Variants in PDS5A observed in about 807,000 individuals in gnomAD.
PDS5A encodes sister chromatid cohesion protein PDS5 homolog A.
Under a neutral mutation model 167.1 loss-of-function variants are expected in PDS5A, and 42 were observed. The ratio of observed to expected loss-of-function variants is 0.25; its 90% CI spans 0.20 to 0.33. The LOEUF (loss-of-function observed/expected upper bound fraction) is 0.33. PDS5A is among the 10% of genes least tolerant of loss of function. PDS5A has a pLI of 1.00. For missense variants in PDS5A, 1,033 were observed against 1,605.9 expected (o/e 0.64, Z 6.10); for synonymous variants, 553 against 554.6 (o/e 1.00, Z 0.04).
intron 2 of PDS5A, chr4:39,933,710 T>C (rs563622755): frequency 1.3e-5 from 2 of 152,372 alleles, no homozygotes; most frequent in African/African-American, 4.8e-5. Context: ...GATTTTGCTT[T>C]ACCACACAGG....
At chr4:39,933,740 T>G (rs1216689923) in intron 2 of PDS5A, among the ~76,000 whole-genome samples, 3 of 152,260 alleles carry the variant, frequency 2.0e-5, no homozygotes, top group Non-Finnish European at 1.5e-5. Context: ...GAAATTCCAT[T>G]CATTCTTCCC....
Position 39,977,187 on chromosome 4 carries a change from G to GA in PDS5A, c.-41+269dup, listed in dbSNP as rs1439388705. Among the ~76,000 whole-genome samples the GA allele has an allele frequency of 6.6e-6, 1 of 151,970 alleles. No homozygotes were observed. The highest frequency in any genetic ancestry group is 2.4e-5 in the African/African-American group (1 of 41,394). Reference sequence around the variant, plus strand: ...CCGCTCCCTCACCCCCGCGGGAGGGGAAAACAAGCCGCCCTCCACCCTCAG... The same window carrying GA: ...CCGCTCCCTCACCCCCGCGGGAGGGGAAAAACAAGCCGCCCTCCACCCTCAG... On this transcript the variant is annotated intron_variant, in intron 1 of 32. Coordinates refer to ENST00000303538, the MANE Select transcript of PDS5A (RefSeq NM_001100399.2). The surrounding 1 kb of genome is among the most constrained non-coding windows in gnomAD (Gnocchi z 4.2).
At chr4:39,843,695 C>G (rs1401566336) in intron 30 of PDS5A, among the ~76,000 whole-genome samples, 4 of 152,096 alleles carry the variant, frequency 2.6e-5, no homozygotes, top group African/African-American at 7.2e-5. Context: ...CGGACAGAGA[C>G]ACTCTGTCTC....
At chr4:39,878,317 C>T (rs541906310) in intron 18 of PDS5A, among the ~76,000 whole-genome samples, 3 of 152,140 alleles carry the variant, frequency 2.0e-5, no homozygotes, top group South Asian at 2.1e-4. Flanking sequence ...ATCTACTGGC[C>T]GGGCGCGGTG....
intron 15 of PDS5A, 104 bp downstream of exon 15, chr4:39,898,673 G>A: frequency 1.1e-6 from 1 of 942,522 alleles, no homozygotes; most frequent in Non-Finnish European, 1.6e-6. Context: ...TTAAGATAAA[G>A]ATTATTTTCT....
At chr4:39,867,145 G>C in intron 22 of PDS5A, 148 bp from the exon 23 acceptor site, 1 of 593,576 alleles carries the variant, frequency 1.7e-6, no homozygotes, top group Non-Finnish European at 2.8e-6. Flanking sequence ...GCAACAATAC[G>C]AACTAATATT....
chr4:39,945,082 G>C (rs897750647), intron 2 of PDS5A, among the ~76,000 whole-genome samples: 14 of 152,030 alleles, frequency 9.2e-5, no homozygotes, highest in Non-Finnish European at 1.5e-4. Flanking sequence ...GTAATACAAT[G>C]ATATCTATGA....
chr4:39,823,726 G>A lies in PDS5A; in HGVS notation c.*1759C>T, dbSNP rs1715042287. ...CTGAAGAGGCAATAAGGAAGAGTGG[G>A]GATTTTTCTGCCCCTGTAAAGGTAT... On this transcript the variant is annotated 3_prime_UTR_variant, in exon 33 of 33. Transcript: ENST00000303538. 6.6e-6 allele frequency: 1 copy of A among 152,438 alleles called. No individual in the cohort carries two copies. Among genetic ancestry groups the A allele is most frequent in the Non-Finnish European group, 1.5e-5 (1 of 68,002 alleles). The allele number at this position is 152,438 out of a possible 1,614,324, so 9.4% of individuals were successfully genotyped here. A position where few individuals can be genotyped will look rare whatever the true frequency, so the allele number is the denominator to read the frequency against.
chr4:39,918,447 A>G (rs944636108), intron 7 of PDS5A, among the ~76,000 whole-genome samples: 2 of 152,172 alleles, frequency 1.3e-5, no homozygotes, highest in African/African-American at 2.4e-5. Context: ...ACCGTCACAC[A>G]TGCAGAAGAA....
chr4:39,830,093 C>T (rs1247696228), intron 32 of PDS5A, among the ~76,000 whole-genome samples: 1 of 151,574 alleles, frequency 6.6e-6, no homozygotes, highest in African/African-American at 2.4e-5. Flanking sequence ...GTGACCTGAG[C>T]AAGGTCCGTT....
chr4:39,959,783 C>T (rs1255009807), intron 2 of PDS5A, among the ~76,000 whole-genome samples: 1 of 151,734 alleles, frequency 6.6e-6, no homozygotes, highest in Admixed American at 6.6e-5. Context: ...GGTGAAAGCC[C>T]GTCTATAGTG....
In PDS5A at chr4:39,867,002, AAAATATT is replaced by A; in HGVS notation, c.2506-12_2506-6del. 1 of 1,589,324 alleles carries A rather than the reference AAAATATT, an allele frequency of 6.3e-7. No homozygotes were observed. The highest frequency in any genetic ancestry group is 8.5e-7 in the Non-Finnish European group (1 of 1,170,384). On this transcript the variant is annotated splice_polypyrimidine_tract_variant and splice_region_variant and intron_variant, in intron 22 of 32. Transcript: ENST00000303538. ...CAGAAGTTTAATTGCCTGTACCTATAAAATATTAACATGCTAAAAAAAGAAAGCAACT... is the reference window on the plus strand; with the variant it reads ...CAGAAGTTTAATTGCCTGTACCTATAAACATGCTAAAAAAAGAAAGCAACT...
chr4:39,892,909 T>A (rs1014625578), intron 16 of PDS5A, among the ~76,000 whole-genome samples: 2 of 152,258 alleles, frequency 1.3e-5, no homozygotes, highest in African/African-American at 4.8e-5. Flanking sequence ...ATTGAAACCC[T>A]GTAGGCAGTG....
At chr4:39,842,685 T>C (rs2109497230) in intron 30 of PDS5A, among the ~76,000 whole-genome samples, 1 of 151,878 alleles carries the variant, frequency 6.6e-6, no homozygotes, top group African/African-American at 2.4e-5. Flanking sequence ...ATATCCTAAT[T>C]ACCCTGATTT....
intron 2 of PDS5A, among the ~76,000 whole-genome samples, chr4:39,948,912 A>G (rs1016299670): frequency 2.6e-5 from 4 of 152,210 alleles, no homozygotes; most frequent in African/African-American, 9.6e-5. Context: ...GGTGTGAGCC[A>G]CTGAGCCCAG....
intron 8 of PDS5A, among the ~76,000 whole-genome samples, chr4:39,915,780 T>A (rs1313824169): frequency 6.6e-6 from 1 of 152,190 alleles, no homozygotes; most frequent in Non-Finnish European, 1.5e-5. Context: ...GAAAAAGTAA[T>A]CTATCCCTTA....
chr4:39,930,246 A>AAAAAAAAAAAAAAAAAATT, intron 2 of PDS5A, among the ~76,000 whole-genome samples: 1 of 93,090 alleles, frequency 1.1e-5, no homozygotes, highest in Non-Finnish European at 2.2e-5. Flanking sequence ...AAAAAAAAAA[A>AAAAAAAAAAAAAAAAAATT]GTTTTTTTGT....
chr4:39,933,083 G>A (rs73229719), intron 2 of PDS5A: 14,789 of 152,220 alleles, frequency 0.097, 887 homozygotes, highest in East Asian at 0.22. Context: ...CAGGAGTAAC[G>A]CTTGAATCCA....
At chr4:39,882,301 T>C (rs1208194221) in intron 17 of PDS5A, among the ~76,000 whole-genome samples, 1 of 152,198 alleles carries the variant, frequency 6.6e-6, no homozygotes, top group Non-Finnish European at 1.5e-5. Context: ...TATTGAGTAG[T>C]TCCTTATATA....
Sources: gnomAD v4.1 joint callset for allele counts (sites outside exome capture counted in the v4.1 genomes callset) on GRCh38, gnomAD v4.1.1 for gene constraint, Gnocchi (gnomAD v3.1) non-coding constraint, MANE v1.5 for transcripts, NCBI Gene and HGNC (gene_info 2026-07-23, HGNC 2026-07-21) for gene names.